Variants in DMD observed in about 807,000 individuals in gnomAD.
DMD encodes mutant dystrophin.
DMD carries 63 observed loss-of-function variants against 330.1 expected under a neutral mutation model. The ratio of observed to expected loss-of-function variants is 0.19; its 90% CI spans 0.16 to 0.24. The LOEUF (loss-of-function observed/expected upper bound fraction) is 0.24. Among genes scored for constraint, DMD ranks in the 10% least tolerant of loss-of-function variants. DMD has a pLI of 1.00. For missense variants in DMD, 3,344 were observed against 2,684.1 expected, an observed-to-expected ratio of 1.25 and a Z score of -5.43; for synonymous variants, 1,223 against 959.8, an observed-to-expected ratio of 1.27 and a Z score of -5.07.
chrX:32,564,540 T>C (rs187031559), intron 16 of DMD, among the ~76,000 whole-genome samples: 1 of 112,247 alleles, frequency 8.9e-6, no homozygotes, highest in Non-Finnish European at 1.9e-5. Context: ...AAACTACTAT[T>C]AGGTCAATTA....
At chrX:32,279,658 G>C (rs1411464786) in intron 43 of DMD, among the ~76,000 whole-genome samples, 2 of 87,548 alleles carry the variant, frequency 2.3e-5, no homozygotes, top group African/African-American at 7.9e-5. Context: ...GGTTACCAGA[G>C]GCTGTGAAGG....
intron 9 of DMD, among the ~76,000 whole-genome samples, chrX:32,663,374 G>C (rs1319152799): frequency 1.8e-5 from 2 of 111,418 alleles, no homozygotes; most frequent in Middle Eastern, 4.6e-3. Context: ...TCTTTGTCTA[G>C]CCTATCTACT....
chrX:33,083,442 G>A (rs12842771), intron 1 of DMD, among the ~76,000 whole-genome samples: 1,901 of 111,513 alleles, frequency 0.017, 17 homozygotes, highest in Middle Eastern at 0.037. Flanking sequence ...AGGTGGGGAC[G>A]GATGACCTCT....
chrX:33,175,825 T>C (rs779241759), intron 1 of DMD, among the ~76,000 whole-genome samples: 5 of 111,660 alleles, frequency 4.5e-5, no homozygotes, highest in Non-Finnish European at 9.4e-5. Context: ...AGGTATAAGA[T>C]AATAATAAGT....
intron 11 of DMD, among the ~76,000 whole-genome samples, chrX:32,639,538 G>A (rs144466186): frequency 0.012 from 1,309 of 112,396 alleles, 24 homozygotes; most frequent in African/African-American, 0.041. Flanking sequence ...GTATCGGCAC[G>A]TGCCAAACTC....
chrX:32,469,519 C>G (rs1201556550), intron 22 of DMD, among the ~76,000 whole-genome samples: 1 of 110,651 alleles, frequency 9.0e-6, no homozygotes. Context: ...CAAAATTTGT[C>G]AAATATCTAA....
intron 4 of DMD, among the ~76,000 whole-genome samples, chrX:32,844,494 A>T (rs1338629946): frequency 9.0e-6 from 1 of 111,415 alleles, no homozygotes; most frequent in East Asian, 2.8e-4. Flanking sequence ...TGACTGCAGG[A>T]CTTTGTCCAC....
At chrX:33,107,757 C>T (rs1047097842) in intron 1 of DMD, among the ~76,000 whole-genome samples, 1 of 111,589 alleles carries the variant, frequency 9.0e-6, no homozygotes, top group Non-Finnish European at 1.9e-5. Context: ...TTTATTTATT[C>T]ATTCATTCAG....
chrX:31,807,518 C>T (rs1451242249), intron 50 of DMD, among the ~76,000 whole-genome samples: 2 of 109,996 alleles, frequency 1.8e-5, no homozygotes, highest in Non-Finnish European at 3.8e-5. Flanking sequence ...TTTTTCTCTC[C>T]TGATTGCCTT....
At chrX:33,176,538 C>T (rs1354817935) in intron 1 of DMD, among the ~76,000 whole-genome samples, 1 of 99,248 alleles carries the variant, frequency 1.0e-5, no homozygotes, top group Non-Finnish European at 2.0e-5. Flanking sequence ...AGGTTTGCAG[C>T]CACGAAAAAG....
chrX:31,486,105 CATATACT>C (rs1438897532), intron 57 of DMD, among the ~76,000 whole-genome samples: 1 of 112,801 alleles, frequency 8.9e-6, no homozygotes, highest in African/African-American at 3.2e-5. Context: ...ATCCAGTTCT[CATATACT>C]ATAATCAATT....
intron 47 of DMD, among the ~76,000 whole-genome samples, chrX:31,901,330 T>C (rs1207954761): frequency 1.8e-5 from 2 of 111,817 alleles, no homozygotes; most frequent in Non-Finnish European, 3.8e-5. Context: ...AATCCTACCA[T>C]AATATTTTGT....
intron 51 of DMD, among the ~76,000 whole-genome samples, chrX:31,762,053 C>T (rs994378269): frequency 8.9e-6 from 1 of 112,218 alleles, no homozygotes; most frequent in Non-Finnish European, 1.9e-5. Context: ...ACTCAATCCT[C>T]CCAAGATCCT....
At chrX:31,720,823 T>C (rs2085413311) in intron 52 of DMD, among the ~76,000 whole-genome samples, 1 of 111,596 alleles carries the variant, frequency 9.0e-6, no homozygotes, top group African/African-American at 3.2e-5. Context: ...ATATTTTTCC[T>C]ATTATAAACT....
intron 1 of DMD, among the ~76,000 whole-genome samples, chrX:33,058,952 A>G (rs1296139231): frequency 8.9e-6 from 1 of 111,753 alleles, no homozygotes; most frequent in Non-Finnish European, 1.9e-5. Flanking sequence ...TGAGTTTATT[A>G]TATATTATGG....
At chrX:31,507,707 G>A (rs972222335) in intron 55 of DMD, among the ~76,000 whole-genome samples, 6 of 111,934 alleles carry the variant, frequency 5.4e-5, no homozygotes, top group Admixed American at 4.8e-4. Flanking sequence ...GAGTTGGAAA[G>A]TAATGTATTT....
chrX:32,163,210 C>T (rs12556700), intron 44 of DMD, among the ~76,000 whole-genome samples: 15,376 of 111,189 alleles, frequency 0.14, 1,013 homozygotes, highest in Admixed American at 0.23. Context: ...CATCAGCAAA[C>T]CTGGTAGTGC....
At chrX:31,687,905 T>C (rs770046367) in intron 52 of DMD, among the ~76,000 whole-genome samples, 8 of 111,567 alleles carry the variant, frequency 7.2e-5, no homozygotes, top group African/African-American at 2.6e-4. Context: ...AACTTTGTCG[T>C]ACTTGAATGT....
chrX:32,906,119 A>G (rs1334996549), intron 2 of DMD, among the ~76,000 whole-genome samples: 2 of 111,774 alleles, frequency 1.8e-5, no homozygotes, highest in African/African-American at 6.5e-5. Flanking sequence ...TGTAATCCCT[A>G]ATGTTAGAGG....
Sources: gnomAD v4.1 joint callset for allele counts (sites outside exome capture counted in the v4.1 genomes callset) on GRCh38, gnomAD v4.1.1 for gene constraint, MANE v1.5 for transcripts, NCBI Gene and HGNC (gene_info 2026-07-23, HGNC 2026-07-21) for gene names.